The following OR4E2 variants were observed in gnomAD, a reference collection of about 807,000 sequenced individuals.
OR4E2 encodes olfactory receptor 4E2.
OR4E2 carries 9 observed loss-of-function variants against 11.0 expected under a neutral mutation model. The ratio of observed to expected loss-of-function variants is 0.82; its 90% CI spans 0.49 to 1.43. The LOEUF is 1.43. Ranked by LOEUF, OR4E2 falls within the 40% of genes most tolerant of loss-of-function variation. The pLI is 0.00. For missense variants in OR4E2, 441 were observed against 382.0 expected, an observed-to-expected ratio of 1.15 and a Z score of -1.29; for synonymous variants, 159 against 147.3, an observed-to-expected ratio of 1.08 and a Z score of -0.57.
rs533445567 is a variant in OR4E2, at chr14:21,663,307, G to C, written c.-8-1768G>C. On this transcript the variant is annotated intron_variant, in intron 3 of 3. Coordinates refer to ENST00000641524, the MANE Select transcript of OR4E2 (RefSeq NM_001001912.3). ...ACCCTGGCTAACATGGTGAAACCCC[G>C]TCTCTACTAAAAATACAAAAAAATT... Among the ~76,000 whole-genome samples, 85 of 152,078 alleles carry C rather than the reference G, an allele frequency of 5.6e-4. 1 individual carries two copies. Among genetic ancestry groups the C allele is most frequent in the African/African-American group, 1.9e-3 (79 of 41,500 alleles).
Position 21,665,128 on chromosome 14 carries a change from G to C in OR4E2, c.46G>C (p.Gly16Arg). The C allele has an allele frequency of 6.2e-7, 1 of 1,613,354 alleles. No individual in the cohort carries two copies. Among genetic ancestry groups the C allele is most frequent in the African/African-American group, 1.3e-5 (1 of 74,994 alleles). ...AAGAGTGACTGAATTTGTCTTCTTG[G>C]GACTCACTGATAACCGGGTGCTGGA... ...QTRVTEFVFLGLTDNRVLEML... is the reference protein window; with the variant it reads ...QTRVTEFVFLRLTDNRVLEML... Residue 16 changes from glycine to arginine, a missense_variant, in exon 4 of 4, where the codon GGA (glycine) becomes CGA (arginine). Coordinates refer to ENST00000641524, the MANE Select transcript of OR4E2 (RefSeq NM_001001912.3).
intron 2 of OR4E2, among the ~76,000 whole-genome samples, chr14:21,659,857 A>C (rs1232624616): frequency 1.3e-5 from 2 of 152,208 alleles, no homozygotes; most frequent in Non-Finnish European, 2.9e-5. Flanking sequence ...AATAGACTAA[A>C]TAAGTGAATT....
intron 2 of OR4E2, among the ~76,000 whole-genome samples, chr14:21,659,599 A>G (rs1880199613): frequency 6.6e-6 from 1 of 152,194 alleles, no homozygotes; most frequent in Non-Finnish European, 1.5e-5. Flanking sequence ...TCTTGCAAAT[A>G]TTTTGGGAAG....
In OR4E2 at chr14:21,665,503, T is replaced by G; in HGVS notation, c.421T>G (p.Cys141Gly). 6.2e-7 allele frequency: 1 copy of G among 1,614,218 alleles called. No homozygotes were observed. The highest frequency in any genetic ancestry group is 1.1e-5 in the South Asian group (1 of 91,084). ...HYPNVMNMRV[C>G]IQLVFALWLG... ...CCCCAATGTGATGAACATGAGAGTC[T>G]GTATACAGCTTGTCTTTGCTCTCTG... Residue 141 changes from cysteine to glycine, a missense_variant, in exon 4 of 4, where the codon TGT becomes GGT. Physicochemically the swap from Cys to Gly is radical, Grantham distance 159. Coordinates refer to ENST00000641524, the MANE Select transcript of OR4E2 (RefSeq NM_001001912.3).
Position 21,665,268 on chromosome 14 carries a change from C to T in OR4E2, c.186C>T (p.Phe62=). The change falls in exon 4 of 4, where the codon TTC becomes TTT. Residue 62 remains phenylalanine (F), a synonymous_variant. Coordinates refer to ENST00000641524, the MANE Select transcript of OR4E2 (RefSeq NM_001001912.3). The part of the protein sequence containing the change: ...TPSLHTPMYF[F]LSNLSFIDIC... Reference sequence around the variant, plus strand: ...GTCTCCATACCCCCATGTATTTCTTCCTGAGCAATCTGTCCTTTATTGACA... The same window carrying T: ...GTCTCCATACCCCCATGTATTTCTTTCTGAGCAATCTGTCCTTTATTGACA... 6.2e-7 allele frequency: 1 copy of T among 1,614,120 alleles called. No individual in the cohort carries two copies.
chr14:21,665,540 C>G lies in OR4E2; in HGVS notation c.458C>G (p.Thr153Ser). ...QLVFALWLGG[T>S]VHSLGQTFLT... ...GTCTTTGCTCTCTGGTTGGGGGGTA[C>G]TGTTCACTCACTAGGGCAGACCTTC... Residue 153 changes from threonine (T) to serine (S), a missense_variant, in exon 4 of 4, where the codon ACT becomes AGT. By Grantham distance (58) the Thr-to-Ser change is moderately conservative. Coordinates refer to ENST00000641524, the MANE Select transcript of OR4E2 (RefSeq NM_001001912.3). The G allele has an allele frequency of 6.2e-7, 1 of 1,614,108 alleles. No homozygotes were observed. The highest frequency in any genetic ancestry group is 1.1e-5 in the South Asian group (1 of 91,072).
At chr14:21,655,216 T>A (rs1749206507) in intron 1 of OR4E2, among the ~76,000 whole-genome samples, 1 of 152,178 alleles carries the variant, frequency 6.6e-6, no homozygotes, top group African/African-American at 2.4e-5. Context: ...GAGTAATATA[T>A]GAGTTGGCTA....
chr14:21,666,228 A>G lies in OR4E2; in HGVS notation c.*204A>G. On this transcript the variant is annotated 3_prime_UTR_variant, in exon 4 of 4. Coordinates refer to ENST00000641524, the MANE Select transcript of OR4E2 (RefSeq NM_001001912.3). ...TATTATTTAAATAAAGCAAAAGATCATAGTGGAAGTTATAAGGAAAAATAA... is the reference window on the plus strand; with the variant it reads ...TATTATTTAAATAAAGCAAAAGATCGTAGTGGAAGTTATAAGGAAAAATAA... 2.2e-6 allele frequency: 1 copy of G among 460,012 alleles called. No homozygotes were observed. Among genetic ancestry groups the G allele is most frequent in the Non-Finnish European group, 3.8e-6 (1 of 262,708 alleles). The allele number at this position is 460,012 out of a possible 1,614,324, so 28.5% of individuals were successfully genotyped here. A position where few individuals can be genotyped will look rare whatever the true frequency, so the allele number is the denominator to read the frequency against.
At position 21,665,621 on chromosome 14, in the gene OR4E2, A is replaced by T; in HGVS notation, c.539A>T (p.Asp180Val). ...AACATTATTGACAGCTACTTCTGTG[A>T]TGTGCCTCTTGTTATCAAGCTGGCC... ...GPNIIDSYFC[D>V]VPLVIKLACT... The change falls in exon 4 of 4, where the codon GAT becomes GTT. Residue 180 changes from aspartate to valine, a missense_variant. By Grantham distance (152) the Asp-to-Val change is radical. Transcript: ENST00000641524. 1 of 1,614,070 alleles carries T rather than the reference A, an allele frequency of 6.2e-7. No individual in the cohort carries two copies. Among genetic ancestry groups the T allele is most frequent in the Non-Finnish European group, 8.5e-7 (1 of 1,179,980 alleles).
intron 3 of OR4E2, among the ~76,000 whole-genome samples, chr14:21,664,335 C>G (rs965857843): frequency 5.9e-5 from 9 of 152,166 alleles, no homozygotes; most frequent in African/African-American, 2.2e-4. Flanking sequence ...TTGCGTTTCT[C>G]TAATGATCAG....
chr14:21,656,267 G>A (rs987778459), intron 1 of OR4E2, among the ~76,000 whole-genome samples: 1 of 152,086 alleles, frequency 6.6e-6, no homozygotes, highest in East Asian at 1.9e-4. Context: ...GGTTGAGATG[G>A]GAGAATCGCA....
At chr14:21,657,826 G>T (rs958743930) in intron 2 of OR4E2, among the ~76,000 whole-genome samples, 2 of 152,004 alleles carry the variant, frequency 1.3e-5, no homozygotes, top group African/African-American at 4.8e-5. Context: ...CCGACCTCAG[G>T]TGATCCACCC....
rs1462959439 is a variant in OR4E2 at position 21,663,215 on chromosome 14, C to T, written c.-8-1860C>T. Among the ~76,000 whole-genome samples, 50 of 152,288 alleles carry T rather than the reference C, an allele frequency of 3.3e-4. 1 individual carries two copies. Among genetic ancestry groups the T allele is most frequent in the Non-Finnish European group, 5.9e-5 (4 of 68,026 alleles). ...AAATTTTAGTCTGGGCGCGGTGGCT[C>T]ACGCCTGTAATCCCAGCACTTTGGG... On this transcript the variant is annotated intron_variant, in intron 3 of 3. Coordinates refer to ENST00000641524, the MANE Select transcript of OR4E2 (RefSeq NM_001001912.3).
rs752570819 is a variant in OR4E2 at position 21,665,180 on chromosome 14, C to G, written c.98C>G (p.Ala33Gly). The change falls in exon 4 of 4, where the codon GCC (alanine) becomes GGC (glycine). Residue 33 changes from alanine to glycine, a missense_variant. Transcript: ENST00000641524. Reference sequence around the variant, plus strand: ...ATGCTGTTTTTCATGGCATTCTCAGCCATTTATATGCTAACGCTTTCGGGG... The same window carrying G: ...ATGCTGTTTTTCATGGCATTCTCAGGCATTTATATGCTAACGCTTTCGGGG... ...LEMLFFMAFS[A>G]IYMLTLSGNI... 6.2e-7 allele frequency: 1 copy of G among 1,613,778 alleles called. No homozygotes were observed. The highest frequency in any genetic ancestry group is 1.7e-5 in the Admixed American group (1 of 60,020).
At chr14:21,656,174 C>CA (rs11357838) in intron 1 of OR4E2, among the ~76,000 whole-genome samples, 37,209 of 144,050 alleles carry the variant, frequency 0.26, 5,165 homozygotes, top group East Asian at 0.49. Context: ...AACAAACAAC[C>CA]AAAAAAAAAA....
rs1022028798 is a variant in OR4E2, at chr14:21,667,526, C to G, written c.*1502C>G. 2 of 152,074 alleles carry G rather than the reference C, an allele frequency of 1.3e-5. No homozygotes were observed. Among genetic ancestry groups the G allele is most frequent in the African/African-American group, 4.8e-5 (2 of 41,416 alleles). 9.4% of individuals were successfully genotyped at this position (152,074 alleles called of 1,614,324 possible). On this transcript the variant is annotated 3_prime_UTR_variant, in exon 4 of 4. Transcript: ENST00000641524. The stretch of plus-strand genomic sequence containing the variant: ...CAAACAAGGGTAGAAAATGGTCAGT[C>G]CCCTATAATTCTCATATAAAACTTG...
At chr14:21,661,274 A>T (rs1006231373) in intron 3 of OR4E2, among the ~76,000 whole-genome samples, 4 of 152,230 alleles carry the variant, frequency 2.6e-5, no homozygotes, top group Non-Finnish European at 5.9e-5. Flanking sequence ...ATTCATGAAT[A>T]TGTATATATG....
chr14:21,657,397 C>CCTTCCTTT (rs1880024565), intron 2 of OR4E2, among the ~76,000 whole-genome samples: 1 of 106,258 alleles, frequency 9.4e-6, no homozygotes, highest in African/African-American at 3.5e-5. Context: ...TTTCTTTCTT[C>CCTTCCTTT]CTTCCTTCCT....
intron 2 of OR4E2, among the ~76,000 whole-genome samples, chr14:21,657,805 G>C (rs1442415803): frequency 2.0e-5 from 3 of 151,972 alleles, no homozygotes; most frequent in Non-Finnish European, 4.4e-5. Flanking sequence ...GGCCAGGCTG[G>C]TCTCAAACTC....
Sources: gnomAD v4.1 joint callset for allele counts (sites outside exome capture counted in the v4.1 genomes callset) on GRCh38, gnomAD v4.1.1 for gene constraint, MANE v1.5 for transcripts, NCBI Gene and HGNC (gene_info 2026-07-23, HGNC 2026-07-21) for gene names.